Variants in ZNF337 observed in about 807,000 individuals in gnomAD.
ZNF337 encodes the protein zinc finger protein 337.
A neutral mutation model predicts 12.1 loss-of-function variants in ZNF337; 8 were observed. That is an observed-to-expected ratio of 0.66 (90% CI 0.39 to 1.19). The LOEUF (loss-of-function observed/expected upper bound fraction) is 1.19, where lower values mean the gene tolerates loss of function less well. Ranked by LOEUF, ZNF337 falls within the 50% of genes most tolerant of loss-of-function variation. The pLI is 0.01. For synonymous variants in ZNF337, 336 were observed against 320.0 expected (o/e 1.05, Z -0.53); for missense variants, 882 against 896.6 (o/e 0.98, Z 0.21).
In ZNF337 at chr20:25,676,509, C is replaced by G; in HGVS notation, c.779G>C (p.Gly260Ala). Residue 260 changes from glycine to alanine, a missense_variant, in exon 5 of 5, where the codon GGA becomes GCA. Transcript: ENST00000252979. ...NLLRHQRTHS[G>A]EKPFLCKVCG... is the part of the protein sequence containing the mutation. ...CACCTTGCACAGAAAAGGCTTCTCT[C>G]CTGAGTGTGTCCTCTGGTGTCTGAG... 6.2e-7 allele frequency: 1 copy of G among 1,614,100 alleles called. No individual in the cohort carries two copies. Among genetic ancestry groups the G allele is most frequent in the Non-Finnish European group, 8.5e-7 (1 of 1,179,998 alleles).
intron 4 of ZNF337, among the ~76,000 whole-genome samples, chr20:25,684,369 T>TA (rs1481586176): frequency 1.3e-5 from 2 of 150,890 alleles, no homozygotes; most frequent in South Asian, 2.1e-4. Context: ...TACAAATAAA[T>TA]AAAAAATATT....
rs1407760810 is a variant in ZNF337 at position 25,686,033 on chromosome 20, C to G, written c.117G>C (p.Glu39Asp). ...GGTGGCTGTAGTTCTCCAGTGTCACCTCCCTGTACAGGGCCCTCTGAGCAG... is the reference window on the plus strand; with the variant it reads ...GGTGGCTGTAGTTCTCCAGTGTCACGTCCCTGTACAGGGCCCTCTGAGCAG... ...LSPAQRALYREVTLENYSHLV... is the reference protein window; with the variant it reads ...LSPAQRALYRDVTLENYSHLV... Residue 39 changes from glutamate (E) to aspartate (D), a missense_variant, in exon 3 of 5, where the codon GAG becomes GAC. By Grantham distance (45) the Glu-to-Asp change is conservative. Coordinates refer to ENST00000252979, the MANE Select transcript of ZNF337 (RefSeq NM_015655.4). 1.9e-6 allele frequency: 3 copies of G among 1,613,536 alleles called. No individual in the cohort carries two copies.
rs138737814 is a variant in ZNF337, at chr20:25,673,568, C to T, written c.*1464G>A. Among the ~76,000 whole-genome samples the T allele has an allele frequency of 1.1e-4, 16 of 152,248 alleles. No individual in the cohort carries two copies. The highest frequency in any genetic ancestry group is 2.6e-4 in the African/African-American group (11 of 41,554). ...GTTCCGGTGTCATTTTTCAGGATCCCAGATTTTCCTTACGAAGGGTCTGAC... is the reference window on the plus strand; with the variant it reads ...GTTCCGGTGTCATTTTTCAGGATCCTAGATTTTCCTTACGAAGGGTCTGAC... On this transcript the variant is annotated 3_prime_UTR_variant, in exon 5 of 5. Transcript: ENST00000252979.
intron 4 of ZNF337, among the ~76,000 whole-genome samples, chr20:25,683,166 A>G (rs1342246283): frequency 6.6e-6 from 1 of 152,200 alleles, no homozygotes. Flanking sequence ...GAAGAGAGGA[A>G]CACAGGGCCT....
At position 25,675,603 on chromosome 20, in the gene ZNF337, T is replaced by C; in HGVS notation, c.1685A>G (p.His562Arg). ...SFSLKANLLR[H>R]QWTHSGERPF... ...CCTTTCCCCCGAGTGTGTCCACTGA[T>C]GTCTAAGAAGATTTGCCTTCAAACT... The change falls in exon 5 of 5, where the codon CAT becomes CGT. Residue 562 changes from histidine to arginine, a missense_variant. By Grantham distance (29) the His-to-Arg change is conservative (BLOSUM62 0). Coordinates refer to ENST00000252979, the MANE Select transcript of ZNF337 (RefSeq NM_015655.4). 6.2e-7 allele frequency: 1 copy of C among 1,614,110 alleles called. No homozygotes were observed. The highest frequency in any genetic ancestry group is 1.3e-5 in the African/African-American group (1 of 75,024).
At chr20:25,691,404 A>G (rs73907614) in intron 1 of ZNF337, among the ~76,000 whole-genome samples, 2,042 of 152,338 alleles carry the variant, frequency 0.013, 45 homozygotes, top group African/African-American at 0.043. Context: ...CAAAATTTGA[A>G]GACAGACATG....
In ZNF337 at chr20:25,675,886, C is replaced by G; in HGVS notation, c.1402G>C (p.Gly468Arg). 1 of 1,613,984 alleles carries G rather than the reference C, an allele frequency of 6.2e-7. No homozygotes were observed. Among genetic ancestry groups the G allele is most frequent in the Non-Finnish European group, 8.5e-7 (1 of 1,179,988 alleles). ...KPFVCKDCGR[G>R]FIQKSTFTLH... ...GTGAAGGTTGACTTTTGGATAAAGC[C>G]TCGTCCACAGTCCTTGCACACAAAA... Residue 468 changes from glycine (G) to arginine (R), a missense_variant, in exon 5 of 5, where the codon GGC (glycine) becomes CGC (arginine). Transcript: ENST00000252979.
intron 1 of ZNF337, among the ~76,000 whole-genome samples, chr20:25,696,455 G>A (rs1337716264): frequency 6.6e-6 from 1 of 152,314 alleles, no homozygotes; most frequent in African/African-American, 2.4e-5. Flanking sequence ...TGGCACAAGA[G>A]GACCTGGGTT....
At position 25,673,264 on chromosome 20, in the gene ZNF337, C is replaced by T. The variant is rs1358715296; in HGVS notation, c.*1768G>A. On this transcript the variant is annotated 3_prime_UTR_variant, in exon 5 of 5. Transcript: ENST00000252979. Reference sequence around the variant, plus strand: ...GGTGAACCCACAATGTGCAGTGAAACTCAAAATGAGTATGAGGAAAGTTAT... The same window carrying T: ...GGTGAACCCACAATGTGCAGTGAAATTCAAAATGAGTATGAGGAAAGTTAT... Among the ~76,000 whole-genome samples, 1 of 152,144 alleles carries T rather than the reference C, an allele frequency of 6.6e-6. No individual in the cohort carries two copies. Among genetic ancestry groups the T allele is most frequent in the African/African-American group, 2.4e-5 (1 of 41,408 alleles).
chr20:25,686,081 C>T lies in ZNF337; in HGVS notation c.69G>A (p.Gln23=), dbSNP rs767266840. Reference sequence around the variant, plus strand: ...CAGGGCTCAGCAGCCTCCATTCCTTCTGGGTGAAATCCACAGTGACATCCC... The same window carrying T: ...CAGGGCTCAGCAGCCTCCATTCCTTTTGGGTGAAATCCACAGTGACATCCC... The part of the protein sequence containing the change: ...AFGDVTVDFT[Q]KEWRLLSPAQ... Residue 23 remains glutamine, a synonymous_variant, in exon 3 of 5, where the codon CAG becomes CAA. Transcript: ENST00000252979. 2 of 1,613,962 alleles carry T rather than the reference C, an allele frequency of 1.2e-6. No individual in the cohort carries two copies. The highest frequency in any genetic ancestry group is 1.7e-5 in the Admixed American group (1 of 59,946).
Position 25,673,501 on chromosome 20 carries a change from GCT to G in ZNF337, c.*1529_*1530del, listed in dbSNP as rs939843268. ...TCTCTACACACCCAGATGGTCTGTG[GCT>G]GGGAGCATGGCAGAGGCAATCTTGG... On this transcript the variant is annotated 3_prime_UTR_variant, in exon 5 of 5. Transcript: ENST00000252979. Among the ~76,000 whole-genome samples the G allele has an allele frequency of 6.6e-6, 1 of 152,058 alleles. No homozygotes were observed. The highest frequency in any genetic ancestry group is 2.4e-5 in the African/African-American group (1 of 41,342).
chr20:25,683,652 A>G (rs1032008448), intron 4 of ZNF337, among the ~76,000 whole-genome samples: 13 of 152,182 alleles, frequency 8.5e-5, no homozygotes, highest in Non-Finnish European at 1.9e-4. Flanking sequence ...CAAAACCACA[A>G]TGAGATACCA....
chr20:25,685,892 T>G, intron 3 of ZNF337, 104 bp downstream of exon 3: 1 of 1,502,008 alleles, frequency 6.7e-7, no homozygotes. Context: ...CAGACCTTCC[T>G]CAGGGGAATA....
chr20:25,675,541 G>T lies in ZNF337; in HGVS notation c.1747C>A (p.Leu583Ile). 3.1e-6 allele frequency: 5 copies of T among 1,613,482 alleles called. No homozygotes were observed. The highest frequency in any genetic ancestry group is 4.2e-6 in the Non-Finnish European group (5 of 1,179,800). ...TGGTGGAAGAGGAGAGTTGATTTTA[G>T]GATGAAGCCTCGCCCGCAATCCTTG... The part of the protein sequence containing the change: ...NCKDCGRGFI[L>I]KSTLLFHQKT... The change falls in exon 5 of 5, where the codon CTA becomes ATA. Residue 583 changes from leucine to isoleucine, a missense_variant. Coordinates refer to ENST00000252979, the MANE Select transcript of ZNF337 (RefSeq NM_015655.4).
chr20:25,680,831 C>T (rs117307700), intron 4 of ZNF337: 1 of 152,344 alleles, frequency 6.6e-6, no homozygotes, highest in Non-Finnish European at 1.5e-5. Context: ...CCAGTAACCT[C>T]ACTTATGAGT....
chr20:25,687,034 T>C (rs1304854211), intron 1 of ZNF337: 3 of 152,318 alleles, frequency 2.0e-5, no homozygotes, highest in African/African-American at 7.2e-5. Context: ...TGGATCCTGA[T>C]TGCAACAAAG....
intron 4 of ZNF337, among the ~76,000 whole-genome samples, chr20:25,682,687 T>C (rs1050891262): frequency 6.6e-6 from 1 of 151,944 alleles, no homozygotes; most frequent in Non-Finnish European, 1.5e-5. Flanking sequence ...CAAAAAAAAT[T>C]AGCCAGGCAT....
intron 1 of ZNF337, 65 bp downstream of exon 1, chr20:25,696,694 C>T (rs1382657267): frequency 9.5e-5 from 92 of 969,142 alleles, no homozygotes; most frequent in Non-Finnish European, 1.1e-4. Context: ...CCCAGGCCTT[C>T]CCGGCCCTTC....
chr20:25,693,490 C>G lies in ZNF337; in HGVS notation c.-50+3269G>C, dbSNP rs569586562. 2.0e-5 allele frequency among the ~76,000 whole-genome samples: 3 copies of G among 152,350 alleles called. No homozygotes were observed. The South Asian group carries it at 6.2e-4, about 32-fold the overall frequency. On this transcript the variant is annotated intron_variant, in intron 1 of 4. Coordinates refer to ENST00000252979, the MANE Select transcript of ZNF337 (RefSeq NM_015655.4). Reference sequence around the variant, plus strand: ...TGAATAGGGCAATGACTATAAAGCCCTGTCCCTGGGACAGGACAATGGCTC... The same window carrying G: ...TGAATAGGGCAATGACTATAAAGCCGTGTCCCTGGGACAGGACAATGGCTC...
Sources: allele counts gnomAD v4.1 joint callset (sites outside exome capture counted in the v4.1 genomes callset), GRCh38; gene constraint gnomAD v4.1.1; transcripts MANE v1.5; gene names NCBI Gene and HGNC (gene_info 2026-07-23, HGNC 2026-07-21).